The following HTR2C variants were observed in gnomAD, a reference collection of about 807,000 sequenced individuals.
The protein encoded by HTR2C is 5-hydroxytryptamine receptor 2C.
HTR2C carries 5 observed loss-of-function variants against 21.0 expected under a neutral mutation model. That is an observed-to-expected ratio of 0.24 (90% CI 0.12 to 0.50). The LOEUF (loss-of-function observed/expected upper bound fraction) is 0.50. Among genes scored for constraint, HTR2C ranks in the 20% least tolerant of loss-of-function variants. The probability of loss-of-function intolerance (pLI) is 0.98; values close to 1 mark genes in which losing one functional copy is unlikely to be tolerated. For synonymous variants in HTR2C, 150 were observed against 145.3 expected (o/e 1.03, Z -0.23); for missense variants, 271 against 371.2 (o/e 0.73, Z 2.22).
intron 5 of HTR2C, among the ~76,000 whole-genome samples, chrX:114,849,380 G>A (rs782785278): frequency 8.9e-6 from 1 of 111,941 alleles, no homozygotes; most frequent in Admixed American, 9.5e-5. Flanking sequence ...TAAACACATG[G>A]ATAAAACACT....
intron 1 of HTR2C, among the ~76,000 whole-genome samples, chrX:114,609,141 A>G (rs1928608910): frequency 9.0e-6 from 1 of 111,651 alleles, no homozygotes; most frequent in African/African-American, 3.3e-5. Flanking sequence ...TTTGGCCACT[A>G]ACATCACTAA....
chrX:114,695,282 G>A (rs899860144), intron 2 of HTR2C, among the ~76,000 whole-genome samples: 2 of 112,219 alleles, frequency 1.8e-5, no homozygotes, highest in African/African-American at 3.2e-5. Context: ...AAAACATAGC[G>A]TTGGGTTTTC....
intron 2 of HTR2C, among the ~76,000 whole-genome samples, chrX:114,704,596 A>G (rs782370907): frequency 8.9e-6 from 1 of 111,795 alleles, no homozygotes; most frequent in Non-Finnish European, 1.9e-5. Context: ...CCCACAGCCA[A>G]TATCATACTG....
intron 4 of HTR2C, among the ~76,000 whole-genome samples, chrX:114,773,323 A>G (rs5987819): frequency 0.048 from 5,362 of 111,884 alleles, 325 homozygotes; most frequent in African/African-American, 0.16. Flanking sequence ...GCAACAAGGT[A>G]TACTTCATTT....
intron 2 of HTR2C, among the ~76,000 whole-genome samples, chrX:114,636,011 T>G (rs1321406678): frequency 9.0e-6 from 1 of 110,542 alleles, no homozygotes; most frequent in Non-Finnish European, 1.9e-5. Context: ...GCTGTTATGT[T>G]AACAGGTAAC....
At chrX:114,589,066 T>G (rs1556390440) in intron 1 of HTR2C, among the ~76,000 whole-genome samples, 1 of 112,376 alleles carries the variant, frequency 8.9e-6, no homozygotes. Context: ...GAGGCCGTGG[T>G]GTTAAACAAC....
At chrX:114,662,071 G>A (rs1931008945) in intron 2 of HTR2C, among the ~76,000 whole-genome samples, 1 of 110,847 alleles carries the variant, frequency 9.0e-6, no homozygotes, top group Non-Finnish European at 1.9e-5. Context: ...TTTTATTTGG[G>A]GCTAAAACAA....
chrX:114,855,337 A>G (rs1435179945), intron 5 of HTR2C, among the ~76,000 whole-genome samples: 1 of 111,460 alleles, frequency 9.0e-6, no homozygotes, highest in Non-Finnish European at 1.9e-5. Flanking sequence ...GGCATAGGTC[A>G]TTAAGAAAAT....
At chrX:114,661,312 G>A (rs1402599609) in intron 2 of HTR2C, among the ~76,000 whole-genome samples, 1 of 110,439 alleles carries the variant, frequency 9.1e-6, no homozygotes, top group Non-Finnish European at 1.9e-5. Flanking sequence ...CGTGGTGGTG[G>A]GCGCCTCTAG....
At chrX:114,645,426 G>A (rs1274531600) in intron 2 of HTR2C, among the ~76,000 whole-genome samples, 1 of 110,453 alleles carries the variant, frequency 9.1e-6, no homozygotes, top group Non-Finnish European at 1.9e-5. Context: ...CTGGGTAGAG[G>A]AGGGAGTGAT....
At chrX:114,647,157 T>A (rs1417518915) in intron 2 of HTR2C, among the ~76,000 whole-genome samples, 12 of 111,167 alleles carry the variant, frequency 1.1e-4, no homozygotes, top group African/African-American at 3.6e-4. Context: ...GTTCTAAGAA[T>A]CTTATTGCAC....
intron 4 of HTR2C, among the ~76,000 whole-genome samples, chrX:114,787,562 C>T (rs190565716): frequency 2.1e-4 from 23 of 111,816 alleles, no homozygotes; most frequent in African/African-American, 5.8e-4. Context: ...AAATATAAAA[C>T]GGCCATTCAG....
intron 5 of HTR2C, among the ~76,000 whole-genome samples, chrX:114,849,125 A>G (rs896749174): frequency 1.8e-5 from 2 of 112,239 alleles, no homozygotes; most frequent in South Asian, 7.3e-4. Context: ...GCCTGTGTAT[A>G]GCATAGACAC....
At chrX:114,847,575 C>T (rs868950239) in intron 4 of HTR2C, among the ~76,000 whole-genome samples, 84 of 84,349 alleles carry the variant, frequency 1.0e-3, no homozygotes, top group African/African-American at 3.3e-3. Flanking sequence ...TACCCTAAAA[C>T]TTAAAGTATA....
intron 2 of HTR2C, among the ~76,000 whole-genome samples, chrX:114,659,593 G>A (rs1459140040): frequency 1.8e-5 from 2 of 111,173 alleles, no homozygotes; most frequent in East Asian, 2.8e-4. Context: ...ACTGTCAAAC[G>A]TTGGAAGAGA....
rs140809158 is a variant in HTR2C at position 114,597,766 on chromosome X, G to C, written c.-147+13107G>C. On this transcript the variant is annotated intron_variant, in intron 1 of 5. Coordinates refer to ENST00000276198, the MANE Select transcript of HTR2C (RefSeq NM_000868.4). ...GGAGATAGAATTTCGAACAATCCAT[G>C]CTACACTAGTTTAGCTAAATTTCAA... Among the ~76,000 whole-genome samples, 641 of 111,819 alleles carry C rather than the reference G, an allele frequency of 5.7e-3. 2 individuals are homozygous for C. The highest frequency in any genetic ancestry group is 0.018 in the Middle Eastern group (4 of 217).
intron 2 of HTR2C, among the ~76,000 whole-genome samples, chrX:114,700,767 T>G (rs144645997): frequency 0.022 from 2,460 of 112,522 alleles, 69 homozygotes; most frequent in African/African-American, 0.075. Context: ...ATTGCCTCAC[T>G]CGGGAAGCCC....
chrX:114,827,924 A>G (rs1221105604), intron 4 of HTR2C, among the ~76,000 whole-genome samples: 1 of 110,306 alleles, frequency 9.1e-6, no homozygotes, highest in Non-Finnish European at 1.9e-5. Flanking sequence ...TGATCTAGGT[A>G]TGATTTTTTT....
At chrX:114,750,618 G>A (rs782316475) in intron 4 of HTR2C, among the ~76,000 whole-genome samples, 14 of 111,948 alleles carry the variant, frequency 1.3e-4, no homozygotes, top group African/African-American at 4.5e-4. Context: ...AACCATATGA[G>A]TTAGATTCTG....
Sources: allele counts gnomAD v4.1 joint callset (sites outside exome capture counted in the v4.1 genomes callset), GRCh38; gene constraint gnomAD v4.1.1; transcripts MANE v1.5; gene names NCBI Gene and HGNC (gene_info 2026-07-23, HGNC 2026-07-21).